Variants in MSI2 observed in about 807,000 individuals in gnomAD.
MSI2 encodes the protein musashi RNA binding protein 2, also known as RNA-binding protein Musashi homolog 2.
Under a neutral mutation model 45.6 loss-of-function variants are expected in MSI2, and 17 were observed. That is an observed-to-expected ratio of 0.37 (90% CI 0.26 to 0.56). The LOEUF is 0.56. Ranked by LOEUF, MSI2 falls within the 20% of genes least tolerant of loss-of-function variation. The pLI is 0.77. For missense variants in MSI2, 293 were observed against 444.2 expected (o/e 0.66, Z 3.06); for synonymous variants, 156 against 158.2 (o/e 0.99, Z 0.11).
intron 6 of MSI2, among the ~76,000 whole-genome samples, chr17:57,493,821 G>A (rs1186999974): frequency 6.6e-6 from 1 of 152,138 alleles, no homozygotes; most frequent in Admixed American, 6.5e-5. Context: ...GGGCATGAAA[G>A]TGATTGACAG....
chr17:57,517,797 C>A (rs1408918881), intron 6 of MSI2, among the ~76,000 whole-genome samples: 1 of 152,150 alleles, frequency 6.6e-6, no homozygotes, highest in Non-Finnish European at 1.5e-5. Context: ...TGCCCCTCCT[C>A]TGTTGTGGCC....
intron 9 of MSI2, chr17:57,616,298 T>G (rs761304423): frequency 4.4e-6 from 2 of 451,522 alleles, no homozygotes; most frequent in Non-Finnish European, 7.9e-6. Flanking sequence ...TGTGTGTGTG[T>G]GTGTGTTTGT....
chr17:57,532,601 A>G (rs1210969429), intron 7 of MSI2, among the ~76,000 whole-genome samples: 2 of 152,220 alleles, frequency 1.3e-5, no homozygotes, highest in Non-Finnish European at 2.9e-5. Context: ...CCGGCCCCAC[A>G]TCTGTGGCCT....
At chr17:57,265,651 G>A (rs893017575) in intron 5 of MSI2, 4 of 152,174 alleles carry the variant, frequency 2.6e-5, no homozygotes, top group African/African-American at 4.8e-5. Context: ...GAGACGCTTC[G>A]GAGACTAGAG....
rs1392341409 is a variant in MSI2 at position 57,377,070 on chromosome 17, G to A, written c.313-24309G>A. 5.3e-5 allele frequency among the ~76,000 whole-genome samples: 8 copies of A among 152,150 alleles called. 1 individual carries two copies. Among genetic ancestry groups the A allele is most frequent in the Middle Eastern group, 6.8e-3 (2 of 292 alleles). ...CAAGTAGCTGGGACTACAGGCGCCC[G>A]CCACCACGCCCAGCTAATTTTTTGT... On this transcript the variant is annotated intron_variant, in intron 5 of 13. Transcript: ENST00000284073.
At position 57,562,109 on chromosome 17, in the gene MSI2, A is replaced by G. The variant is rs567996495; in HGVS notation, c.454+32385A>G. ...AGCCTGATATATAGAAGTGTCCAAT[A>G]AATAGCAGCTGTTGTTTTCCATTTA... On this transcript the variant is annotated intron_variant, in intron 7 of 13. Coordinates refer to ENST00000284073, the MANE Select transcript of MSI2 (RefSeq NM_138962.4). 5.3e-5 allele frequency among the ~76,000 whole-genome samples: 8 copies of G among 152,340 alleles called. No individual in the cohort carries two copies. In the East Asian group the frequency reaches 1.2e-3, roughly 22 times the overall value.
chr17:57,701,021 T>G, the MSI2 span, among the ~76,000 whole-genome samples: 2 of 152,166 alleles, frequency 1.3e-5, no homozygotes, highest in Admixed American at 6.5e-5. Flanking sequence ...AGATGAGAAT[T>G]GTCCTCCCCG....
intron 5 of MSI2, among the ~76,000 whole-genome samples, chr17:57,400,466 G>A (rs917344512): frequency 6.6e-6 from 1 of 152,108 alleles, no homozygotes; most frequent in Non-Finnish European, 1.5e-5. Context: ...AAAACATTCA[G>A]TGTTGGTTTC....
At chr17:57,565,170 G>A (rs2087697939) in intron 7 of MSI2, among the ~76,000 whole-genome samples, 1 of 152,200 alleles carries the variant, frequency 6.6e-6, no homozygotes, top group African/African-American at 2.4e-5. Flanking sequence ...CACCCCATCT[G>A]CATCTAAGGA....
intron 6 of MSI2, among the ~76,000 whole-genome samples, chr17:57,513,952 G>A (rs904879675): frequency 1.3e-5 from 2 of 152,166 alleles, no homozygotes; most frequent in Non-Finnish European, 2.9e-5. Flanking sequence ...AATCTTCATG[G>A]GGCATCATTA....
chr17:57,413,443 C>A (rs2084234826), intron 6 of MSI2, among the ~76,000 whole-genome samples: 1 of 150,492 alleles, frequency 6.6e-6, no homozygotes, highest in African/African-American at 2.5e-5. Flanking sequence ...CGATGTAGGC[C>A]CAAAGAGAGT....
At chr17:57,396,109 CT>C (rs1179793728) in intron 5 of MSI2, among the ~76,000 whole-genome samples, 1 of 152,154 alleles carries the variant, frequency 6.6e-6, no homozygotes, top group East Asian at 1.9e-4. Flanking sequence ...AATTTGAACT[CT>C]TTTAAGGAAC....
intron 6 of MSI2, among the ~76,000 whole-genome samples, chr17:57,466,702 AAATATTC>A (rs2143656838): frequency 6.6e-6 from 1 of 152,336 alleles, no homozygotes; most frequent in Non-Finnish European, 1.5e-5. Context: ...AAGATATTTA[AAATATTC>A]AGGAGTGTCC....
intron 7 of MSI2, among the ~76,000 whole-genome samples, chr17:57,545,881 C>T (rs1314664966): frequency 1.3e-5 from 2 of 151,716 alleles, no homozygotes; most frequent in Admixed American, 1.3e-4. Flanking sequence ...GCTTATCTGG[C>T]GCAGGCATTA....
intron 6 of MSI2, among the ~76,000 whole-genome samples, chr17:57,415,291 G>A (rs975573932): frequency 1.3e-5 from 2 of 152,150 alleles, no homozygotes; most frequent in Non-Finnish European, 2.9e-5. Context: ...CTGTGGACAT[G>A]GAGAATGTGT....
At chr17:57,611,041 G>C (rs116825420) in intron 8 of MSI2, among the ~76,000 whole-genome samples, 1 of 94,860 alleles carries the variant, frequency 1.1e-5, no homozygotes, top group Non-Finnish European at 2.5e-5. Flanking sequence ...GGCCTCTGAG[G>C]CTTCTTACAA....
intron 6 of MSI2, among the ~76,000 whole-genome samples, chr17:57,433,361 A>G (rs1200690476): frequency 6.6e-6 from 1 of 152,164 alleles, no homozygotes; most frequent in Non-Finnish European, 1.5e-5. Context: ...AGAAGATCTG[A>G]AGTCGAACCC....
chr17:57,529,748 G>A lies in MSI2; in HGVS notation c.454+24G>A. On this transcript the variant is annotated intron_variant, in intron 7 of 13. Coordinates refer to ENST00000284073, the MANE Select transcript of MSI2 (RefSeq NM_138962.4). This position sits in a 1 kb window ranked among gnomAD's most constrained non-coding sequence, Gnocchi z 5.3. ...AGGTAAGATTACCCCAGTGTAAGAG[G>A]GTTGCGTTCACCCTCTCCTGGCCTC... 1 of 1,603,662 alleles carries A rather than the reference G, an allele frequency of 6.2e-7. No homozygotes were observed. The highest frequency in any genetic ancestry group is 8.5e-7 in the Non-Finnish European group (1 of 1,174,780).
At chr17:57,283,122 G>T (rs1012136192) in intron 5 of MSI2, among the ~76,000 whole-genome samples, 1 of 152,026 alleles carries the variant, frequency 6.6e-6, no homozygotes, top group Non-Finnish European at 1.5e-5. Context: ...TCTCTGTGTG[G>T]GGGCTTGCCA....
Sources: allele counts gnomAD v4.1 joint callset (sites outside exome capture counted in the v4.1 genomes callset), GRCh38; gene constraint gnomAD v4.1.1; non-coding constraint Gnocchi (gnomAD v3.1); transcripts MANE v1.5; gene names NCBI Gene and HGNC (gene_info 2026-07-23, HGNC 2026-07-21).